Variants in NR2C2 observed in about 807,000 individuals in gnomAD.
The protein encoded by NR2C2 is nuclear receptor subfamily 2 group C member 2.
In NR2C2, 6 loss-of-function variants were observed where a neutral mutation model predicts 62.9. The observed-to-expected ratio is 0.10, with a 90% CI of 0.05 to 0.19. NR2C2 has a LOEUF of 0.19. Among genes scored for constraint, NR2C2 ranks in the 10% least tolerant of loss-of-function variants. The probability of loss-of-function intolerance (pLI) is 1.00; values close to 1 mark genes in which losing one functional copy is unlikely to be tolerated. For synonymous variants in NR2C2, 272 were observed against 273.8 expected, an observed-to-expected ratio of 0.99 and a Z score of 0.07; for missense variants, 479 against 762.7, an observed-to-expected ratio of 0.63 and a Z score of 4.38.
At position 15,003,864 on chromosome 3, in the gene NR2C2, T is replaced by C; in HGVS notation, c.-39-12T>C. 2 of 1,580,908 alleles carry C rather than the reference T, an allele frequency of 1.3e-6. No homozygotes were observed. The highest frequency in any genetic ancestry group is 1.7e-6 in the Non-Finnish European group (2 of 1,150,192). ...GAACCCCCTTGTGATCCAGCCCACT[T>C]CTCACCCACAGGTAACACGTACACA... On this transcript the variant is annotated splice_polypyrimidine_tract_variant and intron_variant, in intron 1 of 13. Transcript: ENST00000425241.
intron 1 of NR2C2, among the ~76,000 whole-genome samples, chr3:14,996,589 G>GAGAC (rs2124881964): frequency 6.6e-6 from 1 of 152,286 alleles, no homozygotes; most frequent in Non-Finnish European, 1.5e-5. Context: ...TTTATTTATT[G>GAGAC]AGACGGAGTC....
At chr3:14,948,456 A>C (rs958550517) in intron 1 of NR2C2, 1 of 152,124 alleles carries the variant, frequency 6.6e-6, no homozygotes, top group African/African-American at 2.4e-5. Flanking sequence ...CCCAGATAGG[A>C]GGGCCGGGGC....
chr3:15,033,814 G>A (rs2042040291), intron 10 of NR2C2, among the ~76,000 whole-genome samples: 1 of 152,094 alleles, frequency 6.6e-6, no homozygotes, highest in African/African-American at 2.4e-5. Context: ...GTCCGGGCTA[G>A]ATAAAATGTG....
chr3:14,965,857 G>GTTTC (rs1332085509), intron 1 of NR2C2, among the ~76,000 whole-genome samples: 2 of 152,104 alleles, frequency 1.3e-5, no homozygotes, highest in Non-Finnish European at 2.9e-5. Context: ...TAGAGACAGG[G>GTTTC]TTTCGCCTTG....
Position 15,013,643 on chromosome 3 carries a change from G to T in NR2C2, c.127G>T (p.Ala43Ser). ...AATCCAGATAGTCACCGCAGTGGAC[G>T]CCTCCGGATCCCCCAAACAGCAGTT... ...QKIQIVTAVD[A>S]SGSPKQQFIL... The change falls in exon 3 of 14, where the codon GCC (alanine) becomes TCC (serine). Residue 43 changes from alanine to serine, a missense_variant. Around this residue, in one of 4 missense-constraint regions of NR2C2, gnomAD observed 115 missense variants for 152.3 expected, o/e 0.76. Coordinates refer to ENST00000425241, the MANE Select transcript of NR2C2 (RefSeq NM_001291694.2). 1 of 1,614,134 alleles carries T rather than the reference G, an allele frequency of 6.2e-7. No homozygotes were observed. The highest frequency in any genetic ancestry group is 8.5e-7 in the Non-Finnish European group (1 of 1,180,024).
chr3:14,951,616 C>T (rs2039360845), intron 1 of NR2C2, among the ~76,000 whole-genome samples: 1 of 151,948 alleles, frequency 6.6e-6, no homozygotes, highest in South Asian at 2.1e-4. Context: ...TGTCTTACAT[C>T]GTTAAGTTAT....
chr3:15,000,810 T>G (rs779852868), intron 1 of NR2C2, among the ~76,000 whole-genome samples: 5 of 148,348 alleles, frequency 3.4e-5, no homozygotes, highest in Non-Finnish European at 5.9e-5. Context: ...TTCTATTTAT[T>G]TAGGTTTTTT....
chr3:14,985,635 G>A (rs894597385), intron 1 of NR2C2, among the ~76,000 whole-genome samples: 1 of 152,106 alleles, frequency 6.6e-6, no homozygotes, highest in Non-Finnish European at 1.5e-5. Context: ...TGTTCTGAAA[G>A]CTGATTCTTT....
intron 2 of NR2C2, among the ~76,000 whole-genome samples, chr3:15,009,511 CT>C (rs1436157003): frequency 6.6e-6 from 1 of 152,202 alleles, no homozygotes; most frequent in African/African-American, 2.4e-5. Context: ...ACAAATTCAT[CT>C]TTTCACAACA....
rs552719688 is a variant in NR2C2 at position 15,003,898 on chromosome 3, G to C, written c.-17G>C. ...CAGGTAACACGTACACAGACCTCTC[G>C]GCCGGAATCTCCAGGGATGACCAGC... On this transcript the variant is annotated 5_prime_UTR_variant, in exon 2 of 14. Coordinates refer to ENST00000425241, the MANE Select transcript of NR2C2 (RefSeq NM_001291694.2). The C allele has an allele frequency of 3.1e-6, 5 of 1,613,604 alleles. No individual in the cohort carries two copies. The Admixed American group carries it at 6.7e-5, about 22-fold the overall frequency.
At chr3:14,974,084 A>G (rs2040131352) in intron 1 of NR2C2, among the ~76,000 whole-genome samples, 1 of 152,190 alleles carries the variant, frequency 6.6e-6, no homozygotes, top group African/African-American at 2.4e-5. Context: ...TACTTATTAA[A>G]CAGCAACTCC....
intron 11 of NR2C2, 131 bp downstream of exon 11, chr3:15,034,940 T>G: frequency 5.5e-6 from 5 of 911,628 alleles, no homozygotes; most frequent in Non-Finnish European, 8.1e-6. Flanking sequence ...ACATAGCAAA[T>G]TGGATAGCCT....
rs547206377 is a variant in NR2C2 at position 15,039,097 on chromosome 3, G to GGT, written c.1511-24_1511-23insTG. 4.8e-5 allele frequency: 74 copies of GGT among 1,538,524 alleles called. No homozygotes were observed. The East Asian group carries it at 1.3e-3, about 28-fold the overall frequency. On this transcript the variant is annotated intron_variant, in intron 12 of 13. Coordinates refer to ENST00000425241, the MANE Select transcript of NR2C2 (RefSeq NM_001291694.2). ...GACTTTTCAAATACAGAGGGAACTG[G>GGT]GGGGGGGTACTTTTCTGTTTTCAGA... is the stretch of plus-strand genomic sequence containing the variant.
chr3:14,993,260 C>G (rs1026866395), intron 1 of NR2C2, among the ~76,000 whole-genome samples: 1 of 152,034 alleles, frequency 6.6e-6, no homozygotes, highest in Non-Finnish European at 1.5e-5. Flanking sequence ...TCGACACCAG[C>G]CTGGCCAACA....
chr3:14,984,185 G>C (rs2040453144), intron 1 of NR2C2, among the ~76,000 whole-genome samples: 1 of 152,130 alleles, frequency 6.6e-6, no homozygotes, highest in Non-Finnish European at 1.5e-5. Flanking sequence ...ACCATGCCTG[G>C]CCTTGTTTTC....
At chr3:14,962,581 C>T (rs1243693365) in intron 1 of NR2C2, 2 of 152,002 alleles carry the variant, frequency 1.3e-5, no homozygotes, top group Non-Finnish European at 2.9e-5. Context: ...AAAACAGTCC[C>T]TTGGAGGTCA....
At chr3:15,019,228 A>C (rs1337794809) in intron 4 of NR2C2, among the ~76,000 whole-genome samples, 1 of 151,902 alleles carries the variant, frequency 6.6e-6, no homozygotes, top group East Asian at 1.9e-4. Flanking sequence ...TGTCTCAAAA[A>C]AAAAGAAAAG....
chr3:14,990,762 A>G (rs2040648120), intron 1 of NR2C2, among the ~76,000 whole-genome samples: 1 of 152,224 alleles, frequency 6.6e-6, no homozygotes, highest in African/African-American at 2.4e-5. Flanking sequence ...CTGGGGGAGA[A>G]GCCTTGTAAT....
intron 1 of NR2C2, among the ~76,000 whole-genome samples, chr3:14,964,642 A>G (rs184313360): frequency 1.5e-4 from 23 of 150,390 alleles, no homozygotes; most frequent in African/African-American, 5.4e-4. Context: ...AGCCTCCCGA[A>G]TAGCTGGGAC....
Sources: gnomAD v4.1 joint callset for allele counts (sites outside exome capture counted in the v4.1 genomes callset) on GRCh38, gnomAD v4.1.1 for gene constraint, gnomAD v4.1.1 regional missense constraint, MANE v1.5 for transcripts, NCBI Gene and HGNC (gene_info 2026-07-23, HGNC 2026-07-21) for gene names.